Variants in SAFB observed in about 807,000 individuals in gnomAD.
SAFB encodes the protein scaffold attachment factor B, also known as scaffold attachment factor B1.
SAFB carries 15 observed loss-of-function variants against 101.6 expected under a neutral mutation model. The observed-to-expected ratio is 0.15, with a 90% CI of 0.10 to 0.23. The LOEUF (loss-of-function observed/expected upper bound fraction) is 0.23. Among genes scored for constraint, SAFB ranks in the 10% least tolerant of loss-of-function variants. The pLI is 1.00. For synonymous variants in SAFB, 449 were observed against 407.5 expected (o/e 1.10, Z -1.23); for missense variants, 930 against 1,104.1 (o/e 0.84, Z 2.23).
At chr19:5,661,487 G>A (rs1484961290) in intron 14 of SAFB, 31 bp from the exon 15 acceptor site, 1 of 1,607,614 alleles carries the variant, frequency 6.2e-7, no homozygotes, top group Non-Finnish European at 8.5e-7. Context: ...GGGGTGTCTA[G>A]GTCCCCTTCT....
At chr19:5,641,451 T>G (rs2053711724) in intron 2 of SAFB, 143 bp from the exon 3 acceptor site, 1 of 682,418 alleles carries the variant, frequency 1.5e-6, no homozygotes, top group Admixed American at 2.2e-5. Flanking sequence ...CGGAATGGCC[T>G]CATTCCTGGA....
chr19:5,623,498 C>T, intron 1 of SAFB, 104 bp downstream of exon 1: 2 of 914,962 alleles, frequency 2.2e-6, no homozygotes, highest in Non-Finnish European at 1.6e-6. Flanking sequence ...GCGTTCGCGG[C>T]CTCGCCGGAC....
At chr19:5,643,081 C>A (rs2145433447) in intron 4 of SAFB, among the ~76,000 whole-genome samples, 1 of 152,228 alleles carries the variant, frequency 6.6e-6, no homozygotes, top group Admixed American at 6.5e-5. Flanking sequence ...CAGCTCATAA[C>A]AGAATAAGAA....
At chr19:5,639,428 C>T (rs1292836557) in intron 2 of SAFB, among the ~76,000 whole-genome samples, 10 of 152,212 alleles carry the variant, frequency 6.6e-5, no homozygotes, top group Middle Eastern at 6.8e-3. Context: ...CGCGGTGGCT[C>T]ATGTCTGTAA....
intron 1 of SAFB, among the ~76,000 whole-genome samples, chr19:5,624,695 T>TA (rs2053311680): frequency 7.0e-6 from 1 of 142,604 alleles, no homozygotes; most frequent in African/African-American, 2.6e-5. Flanking sequence ...GGATTTTTTT[T>TA]TTTTTTTTTT....
At chr19:5,634,431 TA>T (rs2053554119) in intron 2 of SAFB, among the ~76,000 whole-genome samples, 1 of 152,096 alleles carries the variant, frequency 6.6e-6, no homozygotes, top group Non-Finnish European at 1.5e-5. Flanking sequence ...GGGAAAGCTC[TA>T]ATCTTATCTC....
At chr19:5,648,743 A>G (rs2053875872) in intron 6 of SAFB, 1 of 667,338 alleles carries the variant, frequency 1.5e-6, no homozygotes, top group Non-Finnish European at 2.7e-6. Context: ...AATCAGCCAG[A>G]AGGTTTTGGG....
At chr19:5,645,259 C>T (rs1422711496) in intron 4 of SAFB, 78 bp from the exon 5 acceptor site, 3 of 678,016 alleles carry the variant, frequency 4.4e-6, no homozygotes, top group Non-Finnish European at 8.0e-6. Flanking sequence ...TAGCTGTTCA[C>T]TTTTCATTGT....
At chr19:5,633,568 G>C (rs140672688) in intron 2 of SAFB, among the ~76,000 whole-genome samples, 1 of 151,918 alleles carries the variant, frequency 6.6e-6, no homozygotes, top group South Asian at 2.1e-4. Context: ...TCATGAGGTC[G>C]GGAGATCGAG....
chr19:5,658,010 C>CT (rs201677428), intron 14 of SAFB, among the ~76,000 whole-genome samples: 10 of 150,936 alleles, frequency 6.6e-5, no homozygotes, highest in South Asian at 4.2e-4. Context: ...AGAGGGCTTC[C>CT]TTTTTTTTTG....
Position 5,667,101 on chromosome 19 carries a change from G to T in SAFB, c.2390G>T (p.Gly797Val), listed in dbSNP as rs756281088. 3.1e-6 allele frequency: 5 copies of T among 1,612,794 alleles called. No individual in the cohort carries two copies. Among genetic ancestry groups the T allele is most frequent in the Middle Eastern group, 1.6e-4 (1 of 6,084 alleles). ...PERHGRDSRD[G>V]WGGYGSDKRM... ...CGCCACGGCCGGGACTCCCGCGATG[G>T]CTGGGGGGGCTATGGCTCTGACAAG... The change falls in exon 18 of 21, where the codon GGC becomes GTC. Residue 797 changes from glycine to valine, a missense_variant. Gly to Val is a moderately radical substitution (Grantham distance 109). Transcript: ENST00000588852. This position sits in a 1 kb window ranked among gnomAD's most constrained non-coding sequence, Gnocchi z 4.0.
In SAFB at chr19:5,661,517, G is replaced by A; in HGVS notation, c.1863-1G>A. 1 of 1,612,368 alleles carries A rather than the reference G, an allele frequency of 6.2e-7. No homozygotes were observed. On this transcript the variant is annotated splice_acceptor_variant, in intron 14 of 20. Transcript: ENST00000588852. LOFTEE classifies it high-confidence loss of function. ...CCTTCTGCAGCTCTACTGTTGTGCA[G>A]CAGGGTGCGTGAACGCAGTGAACGC...
At position 5,623,182 on chromosome 19, in the gene SAFB, G is replaced by A. The variant is rs1036253983; in HGVS notation, c.-24G>A. 4.5e-6 allele frequency: 7 copies of A among 1,559,416 alleles called. No individual in the cohort carries two copies. Among genetic ancestry groups the A allele is most frequent in the Non-Finnish European group, 5.2e-6 (6 of 1,152,556 alleles). ...AACCGGCCCGGTTCTGTGGAAAGTG[G>A]GCGGCGGAGCCAGGGTCCCTGGAAT... is the stretch of plus-strand genomic sequence containing the variant. On this transcript the variant is annotated 5_prime_UTR_variant, in exon 1 of 21. Transcript: ENST00000588852.
intron 5 of SAFB, among the ~76,000 whole-genome samples, chr19:5,646,414 A>G (rs1465576709): frequency 6.6e-6 from 1 of 152,224 alleles, no homozygotes; most frequent in Non-Finnish European, 1.5e-5. Flanking sequence ...CGACTCAGAA[A>G]GGAGAGGAGG....
chr19:5,623,170 CTGTGGA>C lies in SAFB; in HGVS notation c.-35_-30del, dbSNP rs2053223663. 3.2e-6 allele frequency: 5 copies of C among 1,550,520 alleles called. No individual in the cohort carries two copies. The highest frequency in any genetic ancestry group is 3.5e-6 in the Non-Finnish European group (4 of 1,146,550). On this transcript the variant is annotated 5_prime_UTR_variant, in exon 1 of 21. Coordinates refer to ENST00000588852, the MANE Select transcript of SAFB (RefSeq NM_001201338.2). ...GGAGCCTGATAAAACCGGCCCGGTT[CTGTGGA>C]AAGTGGGCGGCGGAGCCAGGGTCCC...
chr19:5,661,217 G>A (rs1252665866), intron 14 of SAFB, among the ~76,000 whole-genome samples: 1 of 152,066 alleles, frequency 6.6e-6, no homozygotes, highest in East Asian at 1.9e-4. Flanking sequence ...CACCGCGCCC[G>A]GCCTGTTGCT....
At chr19:5,626,760 T>C (rs2053371858) in intron 2 of SAFB, among the ~76,000 whole-genome samples, 1 of 152,232 alleles carries the variant, frequency 6.6e-6, no homozygotes, top group Non-Finnish European at 1.5e-5. Flanking sequence ...AAGGAGTCTT[T>C]TGGGAGTCAG....
intron 8 of SAFB, 78 bp downstream of exon 8, chr19:5,650,053 G>A (rs1486827834): frequency 1.4e-5 from 15 of 1,109,634 alleles, no homozygotes; most frequent in East Asian, 7.1e-5. Flanking sequence ...CTGGTTCATC[G>A]CGTGCTATGC....
At chr19:5,664,335 G>A (rs2054282553) in intron 16 of SAFB, 62 bp from the exon 17 acceptor site, 1 of 1,509,504 alleles carries the variant, frequency 6.6e-7, no homozygotes, top group East Asian at 2.3e-5. Context: ...GGGCCTGATG[G>A]TCCTCTCTTT....
Sources: allele counts gnomAD v4.1 joint callset (sites outside exome capture counted in the v4.1 genomes callset), GRCh38; gene constraint gnomAD v4.1.1; non-coding constraint Gnocchi (gnomAD v3.1); transcripts MANE v1.5; gene names NCBI Gene and HGNC (gene_info 2026-07-23, HGNC 2026-07-21).